The following ARHGAP28 variants were observed in gnomAD, a reference collection of about 807,000 sequenced individuals.
The protein encoded by ARHGAP28 is Rho GTPase activating protein 28.
In ARHGAP28, 56 loss-of-function variants were observed where a neutral mutation model predicts 90.7. That is an observed-to-expected ratio of 0.62 (90% CI 0.50 to 0.77). The LOEUF (loss-of-function observed/expected upper bound fraction) is 0.77. Ranked by LOEUF, ARHGAP28 falls within the 30% of genes least tolerant of loss-of-function variation. ARHGAP28 has a pLI of 0.00. For missense variants in ARHGAP28, 869 were observed against 900.9 expected, an observed-to-expected ratio of 0.96 and a Z score of 0.45; for synonymous variants, 308 against 323.3, an observed-to-expected ratio of 0.95 and a Z score of 0.51.
chr18:6,852,973 G>A (rs2056922046), intron 4 of ARHGAP28, among the ~76,000 whole-genome samples: 1 of 152,150 alleles, frequency 6.6e-6, no homozygotes, highest in Non-Finnish European at 1.5e-5. Flanking sequence ...CAGGAGGCCT[G>A]CTCTGACTGG....
chr18:6,841,208 C>CTCTCTCTCTCTCCTCTCCTCTCTCTCT (rs1555631529), intron 3 of ARHGAP28, among the ~76,000 whole-genome samples: 1 of 43,136 alleles, frequency 2.3e-5, no homozygotes, highest in Non-Finnish European at 4.5e-5. Context: ...TCTCTCCTCT[C>CTCTCTCTCTCTCCTCTCCTCTCTCTCT]CTCTCTCTCT....
chr18:6,867,323 G>A (rs756315536), intron 5 of ARHGAP28, among the ~76,000 whole-genome samples: 3 of 152,126 alleles, frequency 2.0e-5, no homozygotes, highest in African/African-American at 4.8e-5. Flanking sequence ...AAGAAATCAG[G>A]CTCTGGGGGA....
At chr18:6,828,845 A>G (rs1348118145) in intron 2 of ARHGAP28, among the ~76,000 whole-genome samples, 2 of 152,226 alleles carry the variant, frequency 1.3e-5, no homozygotes, top group Non-Finnish European at 2.9e-5. Context: ...TCAACAAGCA[A>G]ATATGTAAGA....
At chr18:6,779,163 G>A (rs143206867) in intron 1 of ARHGAP28, 3 of 152,228 alleles carry the variant, frequency 2.0e-5, no homozygotes, top group Admixed American at 6.5e-5. Flanking sequence ...CTTTTCATAG[G>A]CCATTATACA....
intron 5 of ARHGAP28, among the ~76,000 whole-genome samples, chr18:6,865,011 T>C (rs998555603): frequency 6.6e-5 from 10 of 152,242 alleles, no homozygotes; most frequent in Non-Finnish European, 1.5e-4. Flanking sequence ...AGCAGCAATA[T>C]TTTTAAAGAG....
chr18:6,771,967 C>G (rs2143412639), intron 1 of ARHGAP28, among the ~76,000 whole-genome samples: 1 of 152,254 alleles, frequency 6.6e-6, no homozygotes, highest in East Asian at 1.9e-4. Context: ...ATTACACATT[C>G]TATGCATGTA....
intron 1 of ARHGAP28, among the ~76,000 whole-genome samples, chr18:6,739,919 A>G (rs1239490996): frequency 2.0e-5 from 3 of 150,272 alleles, no homozygotes; most frequent in African/African-American, 4.9e-5. Context: ...CAATGGTGCA[A>G]TGTTGGCTCA....
At chr18:6,797,932 T>G (rs1003680237) in intron 1 of ARHGAP28, among the ~76,000 whole-genome samples, 1 of 152,194 alleles carries the variant, frequency 6.6e-6, no homozygotes, top group African/African-American at 2.4e-5. Context: ...AGTGCTGGGA[T>G]TACAGGCATG....
rs912463337 is a variant in ARHGAP28 at position 6,781,304 on chromosome 18, C to G, written c.123-43458C>G. ...GCAAGAGTGGATCTATGGGGTGGCT[C>G]CCACCTGGGTCTCTGATATGAGTTG... On this transcript the variant is annotated intron_variant, in intron 1 of 17. Transcript: ENST00000383472. Among the ~76,000 whole-genome samples, 61 of 152,232 alleles carry G rather than the reference C, an allele frequency of 4.0e-4. 1 individual carries two copies. The highest frequency in any genetic ancestry group is 1.1e-3 in the African/African-American group (47 of 41,544).
chr18:6,829,386 C>T (rs1340751916), intron 2 of ARHGAP28, among the ~76,000 whole-genome samples: 1 of 152,330 alleles, frequency 6.6e-6, no homozygotes, highest in South Asian at 2.1e-4. Context: ...ACCTGGCTCC[C>T]ACTCTGTACT....
rs768612992 is a variant in ARHGAP28, at chr18:6,887,204, A to G, written c.1501A>G (p.Met501Val). ...GTTTCAAGCCTTACACCTCATGGTCATGGCGCTGCCTGATGCCAACAGAGA... is the reference window on the plus strand; with the variant it reads ...GTTTCAAGCCTTACACCTCATGGTCGTGGCGCTGCCTGATGCCAACAGAGA... The part of the protein sequence containing the change: ...VQFQALHLMV[M>V]ALPDANRDAA... Residue 501 changes from methionine (M) to valine (V), a missense_variant, in exon 12 of 18, where the codon ATG (methionine) becomes GTG (valine). By Grantham distance (21) the Met-to-Val change is conservative. Coordinates refer to ENST00000383472, the MANE Select transcript of ARHGAP28 (RefSeq NM_001366230.1). 6.2e-7 allele frequency: 1 copy of G among 1,614,168 alleles called. No homozygotes were observed. Among genetic ancestry groups the G allele is most frequent in the South Asian group, 1.1e-5 (1 of 91,086 alleles).
intron 1 of ARHGAP28, among the ~76,000 whole-genome samples, chr18:6,812,054 C>G (rs1437817901): frequency 6.6e-6 from 1 of 152,140 alleles, no homozygotes; most frequent in Non-Finnish European, 1.5e-5. Flanking sequence ...AAGAATGCAG[C>G]CTTGCTCCAA....
At chr18:6,828,196 C>A (rs894317644) in intron 2 of ARHGAP28, among the ~76,000 whole-genome samples, 2 of 152,194 alleles carry the variant, frequency 1.3e-5, no homozygotes, top group South Asian at 2.1e-4. Context: ...CAAAAAAATA[C>A]GAAAACCAGT....
chr18:6,891,966 T>TG (rs1236482759), intron 14 of ARHGAP28, among the ~76,000 whole-genome samples: 1 of 152,120 alleles, frequency 6.6e-6, no homozygotes, highest in African/African-American at 2.4e-5. Context: ...GGACAGTAAA[T>TG]GCCAAGGCAG....
intron 1 of ARHGAP28, among the ~76,000 whole-genome samples, chr18:6,778,298 A>G (rs2056300044): frequency 1.3e-5 from 2 of 152,202 alleles, no homozygotes; most frequent in Admixed American, 6.5e-5. Context: ...TGCAAGTTTC[A>G]TGTAAAATGT....
intron 5 of ARHGAP28, among the ~76,000 whole-genome samples, chr18:6,865,688 T>C (rs2057032951): frequency 6.6e-6 from 1 of 152,170 alleles, no homozygotes; most frequent in South Asian, 2.1e-4. Flanking sequence ...ATGGAGGACA[T>C]ACCAGATAAC....
chr18:6,853,958 G>A (rs113539785), intron 4 of ARHGAP28, among the ~76,000 whole-genome samples: 80 of 152,274 alleles, frequency 5.3e-4, no homozygotes, highest in African/African-American at 1.7e-3. Flanking sequence ...ACCCTGAGAC[G>A]GTGTCATGGG....
intron 1 of ARHGAP28, among the ~76,000 whole-genome samples, chr18:6,775,034 A>T (rs1479614117): frequency 6.6e-6 from 1 of 152,216 alleles, no homozygotes; most frequent in Non-Finnish European, 1.5e-5. Flanking sequence ...TCTTCGGGAA[A>T]CACAAATGTG....
chr18:6,796,972 A>G (rs2056446190), intron 1 of ARHGAP28, among the ~76,000 whole-genome samples: 1 of 152,204 alleles, frequency 6.6e-6, no homozygotes, highest in Non-Finnish European at 1.5e-5. Context: ...TAAACTGGGG[A>G]TGGCAATTGA....
Sources: allele counts gnomAD v4.1 joint callset (sites outside exome capture counted in the v4.1 genomes callset), GRCh38; gene constraint gnomAD v4.1.1; transcripts MANE v1.5; gene names NCBI Gene and HGNC (gene_info 2026-07-23, HGNC 2026-07-21).